Variants in PCDH11X observed in about 807,000 individuals in gnomAD.
The protein encoded by PCDH11X is protocadherin 11 X-linked, also known as protocadherin-11 X-linked.
Under a neutral mutation model 53.3 loss-of-function variants are expected in PCDH11X, and 18 were observed. The observed-to-expected ratio is 0.34, with a 90% CI of 0.23 to 0.50. The LOEUF is 0.50. Among genes scored for constraint, PCDH11X ranks in the 20% least tolerant of loss-of-function variants. The pLI, the probability that PCDH11X is intolerant of heterozygous loss-of-function variation, is 0.98. For synonymous variants in PCDH11X, 279 were observed against 393.3 expected (o/e 0.71, Z 3.44); for missense variants, 570 against 1,032.4 (o/e 0.55, Z 6.14).
intron 6 of PCDH11X, among the ~76,000 whole-genome samples, chrX:91,989,548 G>A (rs1421277844): frequency 9.6e-6 from 1 of 104,605 alleles, no homozygotes; most frequent in East Asian, 3.1e-4. Flanking sequence ...GGGCAACAGA[G>A]CGAGACTCTA....
Position 92,100,788 on chromosome X carries a change from T to C in PCDH11X, c.3034-100587T>C, listed in dbSNP as rs543241077. Among the ~76,000 whole-genome samples the C allele has an allele frequency of 5.6e-4, 62 of 110,543 alleles. 1 individual carries two copies. In the South Asian group the frequency reaches 0.024, roughly 43 times the overall value. Reference sequence around the variant, plus strand: ...GGTGGTATGGAGAGAGAATGGACGATGTTTCTCAGGGCTGCTTCAAGCGGG... The same window carrying C: ...GGTGGTATGGAGAGAGAATGGACGACGTTTCTCAGGGCTGCTTCAAGCGGG... On this transcript the variant is annotated intron_variant, in intron 6 of 10. Coordinates refer to ENST00000682573, the MANE Select transcript of PCDH11X (RefSeq NM_032968.5).
At chrX:91,784,186 T>C (rs1237634178) in intron 1 of PCDH11X, among the ~76,000 whole-genome samples, 1 of 110,131 alleles carries the variant, frequency 9.1e-6, no homozygotes, top group Non-Finnish European at 1.9e-5. Flanking sequence ...CCTGAGAAAA[T>C]TGGGCAATAG....
At chrX:91,907,412 C>CAGAGAGAG (rs59848282) in intron 6 of PCDH11X, among the ~76,000 whole-genome samples, 1,956 of 57,381 alleles carry the variant, frequency 0.034, 64 homozygotes, top group East Asian at 0.045. Flanking sequence ...CACACACACA[C>CAGAGAGAG]AGAGAGAGAG....
In PCDH11X at chrX:91,835,709, A is replaced by G; in HGVS notation, c.205A>G (p.Thr69Ala). The stretch of plus-strand genomic sequence containing the variant: ...TATGCAGTTCAAGCTAGTGTACAAG[A>G]CCGGAGATGTGCCACTGATTCGAAT... The part of the protein sequence containing the change: ...TAMQFKLVYK[T>A]GDVPLIRIEE... Residue 69 changes from threonine (T) to alanine (A), a missense_variant, in exon 5 of 11, where the codon ACC (threonine) becomes GCC (alanine). Transcript: ENST00000682573. The G allele has an allele frequency of 8.3e-7, 1 of 1,211,518 alleles. No individual in the cohort carries two copies. Among genetic ancestry groups the G allele is most frequent in the African/African-American group, 1.7e-5 (1 of 57,714 alleles).
chrX:92,485,136 A>G (rs948759355), intron 10 of PCDH11X, among the ~76,000 whole-genome samples: 1 of 110,954 alleles, frequency 9.0e-6, no homozygotes, highest in South Asian at 3.8e-4. Flanking sequence ...AGCAAAAATT[A>G]TAAATATAGG....
intron 9 of PCDH11X, among the ~76,000 whole-genome samples, chrX:92,463,437 T>C (rs1393540779): frequency 1.8e-5 from 2 of 110,229 alleles, no homozygotes; most frequent in Non-Finnish European, 3.8e-5. Flanking sequence ...ATATGTATTG[T>C]TTTCATATCT....
intron 6 of PCDH11X, among the ~76,000 whole-genome samples, chrX:92,063,758 G>A (rs1446947592): frequency 9.0e-6 from 1 of 111,395 alleles, no homozygotes; most frequent in African/African-American, 3.3e-5. Flanking sequence ...TTGGGGGTTT[G>A]ATTGTGATAT....
chrX:92,441,593 G>T (rs2072517257), intron 9 of PCDH11X, among the ~76,000 whole-genome samples: 1 of 112,337 alleles, frequency 8.9e-6, no homozygotes, highest in African/African-American at 3.2e-5. Flanking sequence ...GTCTGTGGGT[G>T]CACAGAAGTC....
At chrX:91,813,421 T>G (rs1373892452) in intron 4 of PCDH11X, among the ~76,000 whole-genome samples, 1 of 102,824 alleles carries the variant, frequency 9.7e-6, no homozygotes, top group African/African-American at 3.7e-5. Flanking sequence ...AAATGAGTTT[T>G]GAATTGCTCT....
intron 6 of PCDH11X, among the ~76,000 whole-genome samples, chrX:92,058,018 C>T (rs2063475031): frequency 1.0e-5 from 1 of 98,042 alleles, no homozygotes; most frequent in Non-Finnish European, 2.0e-5. Context: ...CTTGGTTACT[C>T]AAGTCTTGGG....
intron 9 of PCDH11X, among the ~76,000 whole-genome samples, chrX:92,424,896 C>A (rs2072070903): frequency 1.0e-5 from 1 of 97,557 alleles, no homozygotes; most frequent in Non-Finnish European, 2.3e-5. Flanking sequence ...GACAGAACTG[C>A]AACCCTCCAA....
At chrX:92,014,280 A>T (rs1569308331) in intron 6 of PCDH11X, among the ~76,000 whole-genome samples, 1 of 112,366 alleles carries the variant, frequency 8.9e-6, no homozygotes, top group Non-Finnish European at 1.9e-5. Context: ...AGACACATGA[A>T]AAAATGCTCA....
At chrX:92,338,471 A>G (rs2069673982) in intron 8 of PCDH11X, among the ~76,000 whole-genome samples, 1 of 110,797 alleles carries the variant, frequency 9.0e-6, no homozygotes, top group Non-Finnish European at 1.9e-5. Flanking sequence ...ATGAGATTGC[A>G]TACAAATAAA....
In PCDH11X at chrX:92,505,131, GTTTTTTC is replaced by G. The variant is rs1487632029; in HGVS notation, c.3367+36830_3367+36836del. Among the ~76,000 whole-genome samples the G allele has an allele frequency of 7.2e-3, 568 of 78,363 alleles. 5 individuals carry two copies. The highest frequency in any genetic ancestry group is 0.028 in the African/African-American group (531 of 19,237). 68.0% of individuals were successfully genotyped at this position (78,363 alleles called of 115,157 possible). ...TTGTCTGTTTATTTTGTTGATAGTT[GTTTTTTC>G]TTTTTTCTTTTTTCTTTTTTTTTTT... On this transcript the variant is annotated intron_variant, in intron 10 of 10. Transcript: ENST00000682573.
At chrX:91,890,591 T>C (rs1940432869) in intron 6 of PCDH11X, among the ~76,000 whole-genome samples, 1 of 111,220 alleles carries the variant, frequency 9.0e-6, no homozygotes, top group Non-Finnish European at 1.9e-5. Flanking sequence ...AAATTTGTTT[T>C]CCATAATAGC....
chrX:91,932,263 G>A (rs1231433809), intron 6 of PCDH11X, among the ~76,000 whole-genome samples: 1 of 110,057 alleles, frequency 9.1e-6, no homozygotes, highest in African/African-American at 3.3e-5. Flanking sequence ...GGAACATTGT[G>A]TATGATTATG....
intron 4 of PCDH11X, among the ~76,000 whole-genome samples, chrX:91,828,995 G>A (rs1328729809): frequency 9.1e-6 from 1 of 109,752 alleles, no homozygotes; most frequent in East Asian, 2.8e-4. Flanking sequence ...ATTGTAATTT[G>A]ATAATTTAGA....
intron 6 of PCDH11X, among the ~76,000 whole-genome samples, chrX:91,929,576 C>T (rs1402037366): frequency 9.0e-6 from 1 of 110,784 alleles, no homozygotes; most frequent in African/African-American, 3.3e-5. Context: ...ATTATCATGG[C>T]CACGTTGATT....
chrX:92,439,398 T>C (rs916803944), intron 9 of PCDH11X, among the ~76,000 whole-genome samples: 14 of 111,162 alleles, frequency 1.3e-4, no homozygotes, highest in African/African-American at 4.6e-4. Flanking sequence ...TGGACAGACC[T>C]TAGATGGAAT....
Sources: gnomAD v4.1 joint callset for allele counts (sites outside exome capture counted in the v4.1 genomes callset) on GRCh38, gnomAD v4.1.1 for gene constraint, MANE v1.5 for transcripts, NCBI Gene and HGNC (gene_info 2026-07-23, HGNC 2026-07-21) for gene names.